The following RFC3 variants were observed in gnomAD, a reference collection of about 807,000 sequenced individuals.
The protein encoded by RFC3 is A1 38 kDa subunit.
Under a neutral mutation model 45.1 loss-of-function variants are expected in RFC3, and 41 were observed. That is an observed-to-expected ratio of 0.91 (90% confidence interval 0.71 to 1.18). The LOEUF (loss-of-function observed/expected upper bound fraction) is 1.18, where lower values mean the gene tolerates loss of function less well. RFC3 is among the 50% of genes most tolerant of loss of function. RFC3 has a pLI of 0.00. For missense variants in RFC3, 423 were observed against 428.1 expected, an observed-to-expected ratio of 0.99 and a Z score of 0.10; for synonymous variants, 149 against 144.0, an observed-to-expected ratio of 1.03 and a Z score of -0.25.
intron 8 of RFC3, among the ~76,000 whole-genome samples, chr13:33,946,440 T>C (rs2082954988): frequency 6.6e-6 from 1 of 152,212 alleles, no homozygotes; most frequent in African/African-American, 2.4e-5. Flanking sequence ...AGAGCTTTTG[T>C]TAATGTGGCT....
At chr13:33,876,099 A>G (rs1481947778) in intron 8 of RFC3, among the ~76,000 whole-genome samples, 1 of 152,172 alleles carries the variant, frequency 6.6e-6, no homozygotes, top group Non-Finnish European at 1.5e-5. Context: ...AAGATTCTTG[A>G]AGACAGGGAC....
At chr13:33,875,304 G>T (rs2082438965) in intron 8 of RFC3, among the ~76,000 whole-genome samples, 2 of 152,148 alleles carry the variant, frequency 1.3e-5, no homozygotes, top group Admixed American at 1.3e-4. Context: ...CCAAAAGCCA[G>T]TTTGGGGAGG....
At chr13:33,963,819 G>A (rs1195641472) in intron 8 of RFC3, among the ~76,000 whole-genome samples, 1 of 152,120 alleles carries the variant, frequency 6.6e-6, no homozygotes, top group Non-Finnish European at 1.5e-5. Flanking sequence ...AAAGCCACAG[G>A]AAAGATATGA....
At chr13:33,874,159 A>G (rs1049113379) in intron 8 of RFC3, among the ~76,000 whole-genome samples, 21 of 152,346 alleles carry the variant, frequency 1.4e-4, no homozygotes, top group African/African-American at 4.1e-4. Context: ...ATTATTCCAT[A>G]ATGAAATGAG....
intron 2 of RFC3, among the ~76,000 whole-genome samples, chr13:33,823,002 C>A (rs1367414926): frequency 2.0e-5 from 3 of 152,104 alleles, no homozygotes; most frequent in Non-Finnish European, 4.4e-5. Flanking sequence ...AAAATAGATT[C>A]TTCTGTAACA....
intron 8 of RFC3, among the ~76,000 whole-genome samples, chr13:33,883,810 G>A (rs1430359640): frequency 1.3e-5 from 2 of 152,246 alleles, no homozygotes; most frequent in Non-Finnish European, 2.9e-5. Context: ...GGAGAGAGAA[G>A]ATCAGGAAAA....
intron 8 of RFC3, among the ~76,000 whole-genome samples, chr13:33,943,486 G>A (rs1056659242): frequency 3.9e-5 from 6 of 152,132 alleles, no homozygotes; most frequent in East Asian, 3.9e-4. Context: ...GTGAAGATTA[G>A]GAATGTTTCC....
chr13:33,823,983 A>G lies in RFC3; in HGVS notation c.292A>G (p.Ser98Gly). 1.3e-6 allele frequency: 2 copies of G among 1,507,012 alleles called. No individual in the cohort carries two copies. The highest frequency in any genetic ancestry group is 1.8e-6 in the Non-Finnish European group (2 of 1,094,926). The allele number at this position is 1,507,012 out of a possible 1,614,324, so 93.4% of individuals were successfully genotyped here. A position where few individuals can be genotyped will look rare whatever the true frequency, so the allele number is the denominator to read the frequency against. ...ASNYHLEVNP[S>G]DAGNSDRVVI... ...TAACTACCACCTTGAAGTTAATCCT[A>G]GGTAAGTTACTACTATATAGAAATT... The change falls in exon 3 of 9, where the codon AGT becomes GGT. Residue 98 changes from serine (S) to glycine (G), a missense_variant and splice_region_variant. Coordinates refer to ENST00000380071, the MANE Select transcript of RFC3 (RefSeq NM_002915.4).
downstream of RFC3, among the ~76,000 whole-genome samples, chr13:33,971,221 T>C (rs1377873736): frequency 6.6e-6 from 1 of 152,234 alleles, no homozygotes; most frequent in African/African-American, 2.4e-5. Context: ...TTTTTCCTTT[T>C]CTCACTTCAG....
Position 33,830,854 on chromosome 13 carries a change from C to T in RFC3, c.709C>T (p.Gln237Ter). 6 of 1,611,472 alleles carry T rather than the reference C, an allele frequency of 3.7e-6. No individual in the cohort carries two copies. Among genetic ancestry groups the T allele is most frequent in the Non-Finnish European group, 5.1e-6 (6 of 1,179,196 alleles). Residue 237 changes from glutamine to a stop codon, truncating the protein, a stop_gained and splice_region_variant, in exon 6 of 9, where the codon CAA becomes TAA. Coordinates refer to ENST00000380071, the MANE Select transcript of RFC3 (RefSeq NM_002915.4). LOFTEE classifies it high-confidence loss of function. ...TATGTGTGAAGCCTGCAGAGTGCAA[C>T]AGTGAGTGGAAGGGGTAGTTACATT... is the stretch of plus-strand genomic sequence containing the variant. ...LLMCEACRVQ[Q>*]YPFTADQEIP... is the part of the protein sequence containing the mutation.
At chr13:33,919,415 G>C (rs1593691743) in intron 8 of RFC3, among the ~76,000 whole-genome samples, 1 of 151,880 alleles carries the variant, frequency 6.6e-6, no homozygotes, top group African/African-American at 2.4e-5. Context: ...TGATATTGAA[G>C]TTCTTCTAGA....
intron 8 of RFC3, among the ~76,000 whole-genome samples, chr13:33,948,988 T>C (rs2082971525): frequency 6.6e-6 from 1 of 152,116 alleles, no homozygotes; most frequent in African/African-American, 2.4e-5. Flanking sequence ...GAGTTAAGAC[T>C]TTGGGGGACT....
intron 8 of RFC3, among the ~76,000 whole-genome samples, chr13:33,938,856 T>C (rs1204894581): frequency 6.6e-6 from 1 of 152,178 alleles, no homozygotes; most frequent in Non-Finnish European, 1.5e-5. Flanking sequence ...CCAAAGTGAT[T>C]ATACAAATTT....
At chr13:33,954,670 C>T (rs2083011113) in intron 8 of RFC3, among the ~76,000 whole-genome samples, 1 of 152,154 alleles carries the variant, frequency 6.6e-6, no homozygotes, top group Non-Finnish European at 1.5e-5. Context: ...TGAGGACCCA[C>T]CTCCTGGTTT....
At chr13:33,920,787 C>T (rs768234222) in intron 8 of RFC3, among the ~76,000 whole-genome samples, 8 of 151,994 alleles carry the variant, frequency 5.3e-5, no homozygotes, top group African/African-American at 1.7e-4. Flanking sequence ...CTCATTACAC[C>T]GGTACAGAAT....
intron 3 of RFC3, among the ~76,000 whole-genome samples, chr13:33,825,293 A>G (rs2082039049): frequency 6.6e-6 from 1 of 152,104 alleles, no homozygotes; most frequent in African/African-American, 2.4e-5. Flanking sequence ...TCATCGCTTT[A>G]CTGAGTCTCT....
chr13:33,828,725 T>C (rs2082074611), intron 4 of RFC3, among the ~76,000 whole-genome samples: 1 of 152,184 alleles, frequency 6.6e-6, no homozygotes, highest in African/African-American at 2.4e-5. Context: ...GGGGTTTTGC[T>C]ATGTTGCCCA....
intron 8 of RFC3, among the ~76,000 whole-genome samples, chr13:33,941,886 T>G (rs1179874397): frequency 6.6e-6 from 1 of 152,176 alleles, no homozygotes. Context: ...TATTTTAGAA[T>G]TTTTAAATAT....
At chr13:33,951,445 A>G (rs187329385) in intron 8 of RFC3, among the ~76,000 whole-genome samples, 1 of 151,864 alleles carries the variant, frequency 6.6e-6, no homozygotes, top group African/African-American at 2.4e-5. Flanking sequence ...GTGAGCCAGG[A>G]TGGTCTCCAT....
Sources: allele counts gnomAD v4.1 joint callset (sites outside exome capture counted in the v4.1 genomes callset), GRCh38; gene constraint gnomAD v4.1.1; transcripts MANE v1.5; gene names NCBI Gene and HGNC (gene_info 2026-07-23, HGNC 2026-07-21).